The following UBA2 variants were observed in gnomAD, a reference collection of about 807,000 sequenced individuals.
UBA2 encodes ubiquitin like modifier activating enzyme 2, also known as SUMO-activating enzyme subunit 2.
A neutral mutation model predicts 77.2 loss-of-function variants in UBA2; 11 were observed. The observed-to-expected ratio is 0.14, with a 90% CI of 0.09 to 0.24. The LOEUF (loss-of-function observed/expected upper bound fraction) is 0.24, where lower values mean the gene tolerates loss of function less well. Ranked by LOEUF, UBA2 falls within the 10% of genes least tolerant of loss-of-function variation. The pLI is 1.00. For missense variants in UBA2, 487 were observed against 781.7 expected (o/e 0.62, Z 4.50); for synonymous variants, 278 against 276.7 (o/e 1.00, Z -0.05).
intron 15 of UBA2, among the ~76,000 whole-genome samples, 173 bp from the exon 16 acceptor site, chr19:34,466,705 G>A (rs564528347): frequency 6.6e-6 from 1 of 151,976 alleles, no homozygotes; most frequent in East Asian, 1.9e-4. Flanking sequence ...ACCAGCCTGG[G>A]CAACATTATG....
intron 6 of UBA2, among the ~76,000 whole-genome samples, chr19:34,441,548 T>C (rs940079641): frequency 6.6e-6 from 1 of 152,248 alleles, no homozygotes; most frequent in African/African-American, 2.4e-5. Flanking sequence ...GGGTATTTTG[T>C]AGAAACCTTC....
Position 34,464,767 on chromosome 19 carries a change from C to T in UBA2, c.1604+636C>T, listed in dbSNP as rs2075670119. 5.9e-5 allele frequency among the ~76,000 whole-genome samples: 9 copies of T among 152,012 alleles called. No homozygotes were observed. In the South Asian group the frequency reaches 1.7e-3, roughly 28 times the overall value. The stretch of plus-strand genomic sequence containing the variant: ...AGAAAAAAATATTTCTTCCATAAAA[C>T]AAATCATTTCGTTTGTGATTTTGTG... On this transcript the variant is annotated intron_variant, in intron 15 of 16. Transcript: ENST00000246548.
At chr19:34,445,704 A>G (rs1195365837) in intron 8 of UBA2, among the ~76,000 whole-genome samples, 1 of 151,902 alleles carries the variant, frequency 6.6e-6, no homozygotes, top group Non-Finnish European at 1.5e-5. Flanking sequence ...TCCCAAAGTG[A>G]TGGGATTATA....
At chr19:34,446,117 G>A (rs1278657047) in intron 8 of UBA2, among the ~76,000 whole-genome samples, 1 of 151,976 alleles carries the variant, frequency 6.6e-6, no homozygotes, top group Admixed American at 6.6e-5. Context: ...GGGTTCAAGC[G>A]ATCCTCCAGC....
intron 2 of UBA2, 57 bp from the exon 3 acceptor site, chr19:34,431,804 C>T (rs2075258886): frequency 6.7e-7 from 1 of 1,483,680 alleles, no homozygotes; most frequent in Non-Finnish European, 9.4e-7. Context: ...CTTCCAGAAG[C>T]AGATTTCAGA....
chr19:34,457,187 T>TATATATATATATATATATATAC (rs2075576933), intron 12 of UBA2, among the ~76,000 whole-genome samples: 2 of 120,244 alleles, frequency 1.7e-5, no homozygotes, highest in African/African-American at 3.5e-5. Flanking sequence ...AAAATATATA[T>TATATATATATATATATATATAC]ATATATATAT....
rs190936045 is a variant in UBA2, at chr19:34,449,040, C to T, written c.772-1225C>T. ...GTTGCTGTCATAAGGAGACTCTTTCCTTATTTCTTAGATAAAATATAAATC... is the reference window on the plus strand; with the variant it reads ...GTTGCTGTCATAAGGAGACTCTTTCTTTATTTCTTAGATAAAATATAAATC... On this transcript the variant is annotated intron_variant, in intron 8 of 16. Transcript: ENST00000246548. 1.4e-3 allele frequency among the ~76,000 whole-genome samples: 210 copies of T among 147,868 alleles called. 2 individuals are homozygous for T. Among genetic ancestry groups the T allele is most frequent in the African/African-American group, 5.1e-3 (204 of 39,980 alleles).
chr19:34,459,793 T>G (rs1168150620), intron 13 of UBA2, among the ~76,000 whole-genome samples: 1 of 152,202 alleles, frequency 6.6e-6, no homozygotes, highest in Non-Finnish European at 1.5e-5. Context: ...TGCTGCCTGA[T>G]AGGGAATGGC....
intron 14 of UBA2, among the ~76,000 whole-genome samples, chr19:34,462,147 C>G (rs2075638279): frequency 6.6e-6 from 1 of 152,106 alleles, no homozygotes; most frequent in Non-Finnish European, 1.5e-5. Flanking sequence ...CCCTACCCTC[C>G]AGAGGAAGGG....
chr19:34,445,390 A>G (rs1370396370), intron 8 of UBA2, among the ~76,000 whole-genome samples: 1 of 148,836 alleles, frequency 6.7e-6, no homozygotes, highest in Non-Finnish European at 1.5e-5. Flanking sequence ...TCCTTCTCTC[A>G]CTTTTTACAG....
chr19:34,468,992 A>T (rs200936936), intron 16 of UBA2, 48 bp from the exon 17 acceptor site: 2 of 1,508,342 alleles, frequency 1.3e-6, no homozygotes, highest in East Asian at 2.3e-5. Flanking sequence ...AGCACAGGTA[A>T]CTCCCACGCT....
At chr19:34,447,377 A>G (rs907536642) in intron 8 of UBA2, among the ~76,000 whole-genome samples, 4 of 152,178 alleles carry the variant, frequency 2.6e-5, no homozygotes, top group African/African-American at 4.8e-5. Context: ...GCATCTTTCA[A>G]TCCAATCAAG....
At chr19:34,450,171 A>G (rs1489746624) in intron 8 of UBA2, 94 bp from the exon 9 acceptor site, 4 of 820,646 alleles carry the variant, frequency 4.9e-6, no homozygotes, top group Non-Finnish European at 2.0e-6. Context: ...TTTAAATCAG[A>G]TTTCATAGTG....
chr19:34,428,387 C>T lies in UBA2; in HGVS notation c.-46C>T, dbSNP rs571539173. 28 of 1,231,958 alleles carry T rather than the reference C, an allele frequency of 2.3e-5. No individual in the cohort carries two copies. The highest frequency in any genetic ancestry group is 4.1e-5 in the South Asian group (1 of 24,398). 76.3% of individuals were successfully genotyped at this position (1,231,958 alleles called of 1,614,324 possible). On this transcript the variant is annotated 5_prime_UTR_variant, in exon 1 of 17. Transcript: ENST00000246548. ...CCCCCACCCGCTTCCGGCCGCGGCT[C>T]GGTTCTCCCGCCTCCGCCTCCGCCG...
intron 12 of UBA2, among the ~76,000 whole-genome samples, chr19:34,456,110 T>TC (rs1555730559): frequency 7.7e-6 from 1 of 129,756 alleles, no homozygotes; most frequent in African/African-American, 2.8e-5. Context: ...CTTTTTCTTT[T>TC]TTTTTTTTTT....
chr19:34,465,443 C>T (rs1307486757), intron 15 of UBA2, among the ~76,000 whole-genome samples: 3 of 152,030 alleles, frequency 2.0e-5, no homozygotes, highest in Non-Finnish European at 4.4e-5. Context: ...TCAAGACCAG[C>T]CTGACCAACA....
At chr19:34,435,223 C>A (rs906979407) in intron 5 of UBA2, among the ~76,000 whole-genome samples, 5 of 151,898 alleles carry the variant, frequency 3.3e-5, no homozygotes, top group African/African-American at 1.2e-4. Context: ...CATGGTGAAA[C>A]CCCATCTCTA....
chr19:34,465,866 T>C (rs1349734195), intron 15 of UBA2, among the ~76,000 whole-genome samples: 1 of 152,140 alleles, frequency 6.6e-6, no homozygotes, highest in Non-Finnish European at 1.5e-5. Context: ...TTTAATCATA[T>C]TTTTTAGCTC....
chr19:34,430,701 T>C (rs770584191), intron 2 of UBA2, 42 bp downstream of exon 2: 4 of 1,507,420 alleles, frequency 2.7e-6, no homozygotes, highest in Non-Finnish European at 3.7e-6. Context: ...TTGATGGAGC[T>C]TCTATTTGTG....
Sources: gnomAD v4.1 joint callset for allele counts (sites outside exome capture counted in the v4.1 genomes callset) on GRCh38, gnomAD v4.1.1 for gene constraint, MANE v1.5 for transcripts, NCBI Gene and HGNC (gene_info 2026-07-23, HGNC 2026-07-21) for gene names.